The following GRAP2 variants were observed in gnomAD, a reference collection of about 807,000 sequenced individuals.
The protein encoded by GRAP2 is GRB2 related adaptor protein 2.
GRAP2 carries 31 observed loss-of-function variants against 43.5 expected under a neutral mutation model. That is an observed-to-expected ratio of 0.71 (90% CI 0.54 to 0.96). The LOEUF is 0.96. Ranked by LOEUF, GRAP2 falls within the 40% of genes least tolerant of loss-of-function variation. The pLI is 0.00. For synonymous variants in GRAP2, 156 were observed against 164.8 expected (o/e 0.95, Z 0.41); for missense variants, 371 against 424.4 (o/e 0.87, Z 1.11).
intron 1 of GRAP2, among the ~76,000 whole-genome samples, chr22:39,941,987 C>T (rs898549824): frequency 3.3e-5 from 5 of 151,886 alleles, no homozygotes; most frequent in African/African-American, 1.2e-4. Context: ...TGTTTTAAGA[C>T]TCAATGCATG....
chr22:39,968,372 T>C, intron 6 of GRAP2, 100 bp downstream of exon 6: 1 of 1,414,716 alleles, frequency 7.1e-7, no homozygotes, highest in Non-Finnish European at 9.7e-7. Flanking sequence ...GAGTTCATGA[T>C]GAAGACCCTG....
chr22:39,950,758 G>A (rs2066973527), intron 2 of GRAP2, among the ~76,000 whole-genome samples: 1 of 152,218 alleles, frequency 6.6e-6, no homozygotes, highest in African/African-American at 2.4e-5. Flanking sequence ...AGAGCAAAAT[G>A]GGGAGGGCTT....
intron 1 of GRAP2, among the ~76,000 whole-genome samples, chr22:39,910,145 T>C (rs1411093725): frequency 1.3e-5 from 2 of 152,146 alleles, no homozygotes; most frequent in Non-Finnish European, 2.9e-5. Flanking sequence ...CCGCCTCTGA[T>C]TGGACTCTAG....
intron 1 of GRAP2, among the ~76,000 whole-genome samples, chr22:39,909,304 C>T (rs1394543021): frequency 6.6e-6 from 1 of 152,078 alleles, no homozygotes. Context: ...AAAGAAATTC[C>T]CAATACCTGG....
At chr22:39,921,482 T>C (rs1038312167) in intron 1 of GRAP2, among the ~76,000 whole-genome samples, 2 of 152,260 alleles carry the variant, frequency 1.3e-5, no homozygotes, top group Admixed American at 1.3e-4. Flanking sequence ...AATTCCTTTT[T>C]GTTTTTGACT....
chr22:39,920,986 A>G (rs1248691971), intron 1 of GRAP2, among the ~76,000 whole-genome samples: 1 of 141,184 alleles, frequency 7.1e-6, no homozygotes, highest in Admixed American at 7.1e-5. Flanking sequence ...ACACACACAC[A>G]CACAATCTGA....
At chr22:39,917,830 T>G (rs1173697495) in intron 1 of GRAP2, among the ~76,000 whole-genome samples, 1 of 152,216 alleles carries the variant, frequency 6.6e-6, no homozygotes, top group African/African-American at 2.4e-5. Flanking sequence ...AGGCCCTTTC[T>G]TGCTCACATA....
chr22:39,937,499 G>A lies in GRAP2; in HGVS notation c.-14-9594G>A, dbSNP rs545689097. On this transcript the variant is annotated intron_variant, in intron 1 of 7. Coordinates refer to ENST00000344138, the MANE Select transcript of GRAP2 (RefSeq NM_004810.4). ...TGCCCAGGGAAAGTGAGGAAAAATA[G>A]GTGCTTGAGAGGCTGAAAAGTAGTA... Among the ~76,000 whole-genome samples the A allele has an allele frequency of 8.5e-5, 13 of 152,322 alleles. No homozygotes were observed. The East Asian group carries it at 1.3e-3, about 16-fold the overall frequency.
intron 1 of GRAP2, among the ~76,000 whole-genome samples, chr22:39,934,210 A>G (rs980148847): frequency 3.3e-5 from 5 of 152,228 alleles, no homozygotes; most frequent in Non-Finnish European, 7.3e-5. Flanking sequence ...GCTTTGCATG[A>G]CACCCTACAG....
intron 2 of GRAP2, among the ~76,000 whole-genome samples, chr22:39,953,660 A>T (rs748797477): frequency 1.3e-5 from 2 of 152,182 alleles, no homozygotes; most frequent in African/African-American, 2.4e-5. Flanking sequence ...TCCAGGCTGT[A>T]GTACAGTGGT....
chr22:39,963,660 A>G (rs887449901), intron 4 of GRAP2, among the ~76,000 whole-genome samples: 5 of 152,204 alleles, frequency 3.3e-5, no homozygotes, highest in African/African-American at 1.2e-4. Context: ...CCCAGCACAT[A>G]AGATGAGATT....
At chr22:39,894,919 T>C in the GRAP2 span, among the ~76,000 whole-genome samples, 3 of 152,174 alleles carry the variant, frequency 2.0e-5, 1 homozygote, top group African/African-American at 7.2e-5. Context: ...TACATCTGAA[T>C]TGAATCTTAA....
intron 1 of GRAP2, among the ~76,000 whole-genome samples, chr22:39,935,025 A>G (rs2066792425): frequency 6.6e-6 from 1 of 152,216 alleles, no homozygotes; most frequent in Non-Finnish European, 1.5e-5. Context: ...TGTATTTTGT[A>G]TTTTGAGAAA....
intron 1 of GRAP2, among the ~76,000 whole-genome samples, chr22:39,938,860 A>G (rs1405968032): frequency 1.3e-5 from 2 of 152,200 alleles, no homozygotes; most frequent in Non-Finnish European, 2.9e-5. Context: ...TTCAAACGCC[A>G]TCCTCATGGT....
chr22:39,894,126 T>C, the GRAP2 span, among the ~76,000 whole-genome samples: 4 of 151,982 alleles, frequency 2.6e-5, no homozygotes, highest in African/African-American at 9.7e-5. Flanking sequence ...GCTGATAATG[T>C]TTTTAAAAAG....
intron 1 of GRAP2, among the ~76,000 whole-genome samples, chr22:39,921,469 T>C (rs1175453536): frequency 1.3e-5 from 2 of 152,244 alleles, no homozygotes; most frequent in Non-Finnish European, 2.9e-5. Flanking sequence ...CAGGAAACCA[T>C]TCAATTCCTT....
At chr22:39,919,569 A>G (rs539738363) in intron 1 of GRAP2, among the ~76,000 whole-genome samples, 2 of 152,218 alleles carry the variant, frequency 1.3e-5, no homozygotes, top group Admixed American at 6.5e-5. Flanking sequence ...TTCTTCAGAG[A>G]TGTATGATTG....
At chr22:39,900,199 C>T (rs1015170303), upstream of GRAP2, among the ~76,000 whole-genome samples, 3 of 152,130 alleles carry the variant, frequency 2.0e-5, no homozygotes, top group South Asian at 2.1e-4. Flanking sequence ...AAAAGGATGC[C>T]GTTTCACATT....
chr22:39,964,891 A>G (rs2067156797), intron 4 of GRAP2, among the ~76,000 whole-genome samples: 2 of 152,132 alleles, frequency 1.3e-5, no homozygotes, highest in South Asian at 4.1e-4. Flanking sequence ...AAACCAACTC[A>G]TTTGAAAGAA....
Sources: allele counts gnomAD v4.1 joint callset (sites outside exome capture counted in the v4.1 genomes callset), GRCh38; gene constraint gnomAD v4.1.1; transcripts MANE v1.5; gene names NCBI Gene and HGNC (gene_info 2026-07-23, HGNC 2026-07-21).